The following MACF1 variants were observed in gnomAD, a reference collection of about 807,000 sequenced individuals.
MACF1 encodes microtubule-actin cross-linking factor 1.
Under a neutral mutation model 854.8 loss-of-function variants are expected in MACF1, and 193 were observed. The observed-to-expected ratio is 0.23, with a 90% CI of 0.20 to 0.25. The LOEUF (loss-of-function observed/expected upper bound fraction) is 0.25. Among genes scored for constraint, MACF1 ranks in the 10% least tolerant of loss-of-function variants. The probability of loss-of-function intolerance (pLI) is 1.00; values close to 1 mark genes in which losing one functional copy is unlikely to be tolerated. For missense variants in MACF1, 7,722 were observed against 8,929.1 expected (o/e 0.86, Z 5.45); for synonymous variants, 3,185 against 3,226.7 (o/e 0.99, Z 0.44).
intron 45 of MACF1, among the ~76,000 whole-genome samples, chr1:39,358,218 T>G (rs1647764209): frequency 6.6e-6 from 1 of 152,120 alleles, no homozygotes; most frequent in Non-Finnish European, 1.5e-5. Flanking sequence ...ACAGGGGAAA[T>G]TTAAACCAAT....
At chr1:39,367,759 G>C (rs112674502) in intron 49 of MACF1, among the ~76,000 whole-genome samples, 1 of 152,110 alleles carries the variant, frequency 6.6e-6, no homozygotes, top group African/African-American at 2.4e-5. Context: ...CTCTCCAGTG[G>C]ATTGAAGTTG....
At chr1:39,091,257 T>G (rs1300530911) in intron 2 of MACF1, among the ~76,000 whole-genome samples, 1 of 152,170 alleles carries the variant, frequency 6.6e-6, no homozygotes, top group African/African-American at 2.4e-5. Flanking sequence ...ACACATTTCT[T>G]CATGTGCTCA....
intron 2 of MACF1, among the ~76,000 whole-genome samples, chr1:39,170,780 C>G (rs1461509297): frequency 3.3e-5 from 5 of 152,216 alleles, no homozygotes; most frequent in African/African-American, 1.2e-4. Flanking sequence ...AAAAGCAAAG[C>G]ACCTAATATT....
chr1:39,343,742 C>G (rs988833365), intron 40 of MACF1, among the ~76,000 whole-genome samples: 1 of 152,194 alleles, frequency 6.6e-6, no homozygotes, highest in African/African-American at 2.4e-5. Flanking sequence ...CTTGCCTCCT[C>G]AGGCGAAAGA....
At position 39,460,447 on chromosome 1, in the gene MACF1, A is replaced by T. The variant is rs150058030; in HGVS notation, c.21361-185A>T. On this transcript the variant is annotated intron_variant, in intron 91 of 100. Transcript: ENST00000564288. This position sits in a 1 kb window ranked among gnomAD's most constrained non-coding sequence, Gnocchi z 4.1. The stretch of plus-strand genomic sequence containing the variant: ...ATTCCATTATACCATAGCTCGTGTA[A>T]ATAGTCATGGCTTTAAGTGAAAGAG... Among the ~76,000 whole-genome samples the T allele has an allele frequency of 3.9e-5, 6 of 152,322 alleles. No individual in the cohort carries two copies. In the East Asian group the frequency reaches 1.2e-3, roughly 29 times the overall value.
chr1:39,268,820 T>C (rs1645268038), intron 6 of MACF1: 3 of 1,289,674 alleles, frequency 2.3e-6, no homozygotes, highest in African/African-American at 1.5e-5. Context: ...AGAAAATCCC[T>C]ACTCCAGAGG....
chr1:39,239,711 C>G (rs1322622145), intron 2 of MACF1, among the ~76,000 whole-genome samples: 1 of 152,078 alleles, frequency 6.6e-6, no homozygotes, highest in Non-Finnish European at 1.5e-5. Flanking sequence ...CTGGTCAGTT[C>G]CTGTTGACTT....
At chr1:39,126,955 G>T (rs1054675333) in intron 2 of MACF1, among the ~76,000 whole-genome samples, 1 of 151,662 alleles carries the variant, frequency 6.6e-6, no homozygotes, top group African/African-American at 2.4e-5. Flanking sequence ...CTGTTGGCCG[G>T]GTGCCTTGGC....
At chr1:39,254,526 T>C (rs1557546259) in intron 5 of MACF1, 151 bp downstream of exon 5, 1 of 650,556 alleles carries the variant, frequency 1.5e-6, no homozygotes, top group Non-Finnish European at 2.7e-6. Context: ...TGAGCAATTG[T>C]ATTCTGGTTA....
intron 38 of MACF1, among the ~76,000 whole-genome samples, chr1:39,339,076 T>C (rs1646879061): frequency 6.6e-6 from 1 of 152,062 alleles, no homozygotes; most frequent in South Asian, 2.1e-4. Context: ...CCCAGGAGTT[T>C]GAGATCATCC....
chr1:39,254,552 A>T lies in MACF1; in HGVS notation c.435+177A>T, dbSNP rs1645077103. The T allele has an allele frequency of 7.0e-6, 4 of 574,398 alleles. No individual in the cohort carries two copies. In the Admixed American group the frequency reaches 9.3e-5, roughly 13 times the overall value. The allele number at this position is 574,398 out of a possible 1,614,324, so 35.6% of individuals were successfully genotyped here. ...ATTCTGGTTAGAGAAATCATTCAGT[A>T]CTCACACAGAACTTGTGACCTCCTT... On this transcript the variant is annotated intron_variant, in intron 5 of 100. Transcript: ENST00000564288.
chr1:39,336,709 A>C (rs112936798), intron 37 of MACF1, 56 bp downstream of exon 37: 36,853 of 1,474,300 alleles, frequency 0.025, 536 homozygotes, highest in Non-Finnish European at 0.028. Context: ...TTTAATGCTA[A>C]AATTCTTAAC....
At position 39,093,775 on chromosome 1, in the gene MACF1, C is replaced by T. The variant is rs183910453; in HGVS notation, c.220+9337C>T. ...CTGGGATTACAGGTGTGAGCCATCACGCCCGGCCAAGGGATTCTTTTCTTT... is the reference window on the plus strand; with the variant it reads ...CTGGGATTACAGGTGTGAGCCATCATGCCCGGCCAAGGGATTCTTTTCTTT... On this transcript the variant is annotated intron_variant, in intron 2 of 93. Transcript: ENST00000361689. Among the ~76,000 whole-genome samples the T allele has an allele frequency of 6.1e-3, 908 of 149,718 alleles. 6 individuals carry two copies. Among genetic ancestry groups the T allele is most frequent in the Admixed American group, 0.011 (163 of 15,028 alleles).
intron 36 of MACF1, among the ~76,000 whole-genome samples, chr1:39,330,789 A>G (rs1646708154): frequency 6.7e-6 from 1 of 149,388 alleles, no homozygotes; most frequent in Admixed American, 6.7e-5. Flanking sequence ...TCAGAATTTT[A>G]TATACTGTAG....
At chr1:39,207,159 A>G (rs1037400878) in intron 1 of MACF1, among the ~76,000 whole-genome samples, 4 of 152,116 alleles carry the variant, frequency 2.6e-5, no homozygotes, top group African/African-American at 9.7e-5. Flanking sequence ...ATGTAGTAAT[A>G]CTGTATTACT....
intron 2 of MACF1, among the ~76,000 whole-genome samples, chr1:39,142,654 C>T (rs1643369183): frequency 6.6e-6 from 1 of 152,156 alleles, no homozygotes; most frequent in Non-Finnish European, 1.5e-5. Context: ...TGATTGTTCA[C>T]CTCTTGCTCC....
At chr1:39,117,773 A>G (rs1282700576) in intron 2 of MACF1, among the ~76,000 whole-genome samples, 1 of 152,232 alleles carries the variant, frequency 6.6e-6, no homozygotes, top group Non-Finnish European at 1.5e-5. Flanking sequence ...ACAGTATATA[A>G]TACACATTAC....
intron 2 of MACF1, among the ~76,000 whole-genome samples, chr1:39,126,970 G>A (rs554306225): frequency 6.6e-6 from 1 of 152,306 alleles, no homozygotes; most frequent in Admixed American, 6.5e-5. Context: ...CTTGGCTCAA[G>A]CCTGTAATCC....
chr1:39,283,167 G>T lies in MACF1; in HGVS notation c.696-22G>T. 6.7e-7 allele frequency: 1 copy of T among 1,499,700 alleles called. No homozygotes were observed. The allele number at this position is 1,499,700 out of a possible 1,614,324, so 92.9% of individuals were successfully genotyped here. On this transcript the variant is annotated intron_variant, in intron 7 of 100. Transcript: ENST00000564288. This position sits in a 1 kb window ranked among gnomAD's most constrained non-coding sequence, Gnocchi z 4.5. Reference sequence around the variant, plus strand: ...TGATGTGTAGATGGTGGCGTTTCATGTGCCTTGCTGGACTTTTACAGACCC... The same window carrying T: ...TGATGTGTAGATGGTGGCGTTTCATTTGCCTTGCTGGACTTTTACAGACCC...
Sources: allele counts gnomAD v4.1 joint callset (sites outside exome capture counted in the v4.1 genomes callset), GRCh38; gene constraint gnomAD v4.1.1; non-coding constraint Gnocchi (gnomAD v3.1); transcripts MANE v1.5; gene names NCBI Gene and HGNC (gene_info 2026-07-23, HGNC 2026-07-21).